The following CADPS variants were observed in gnomAD, a reference collection of about 807,000 sequenced individuals.
CADPS encodes calcium dependent secretion activator.
CADPS carries 57 observed loss-of-function variants against 167.3 expected under a neutral mutation model. That is an observed-to-expected ratio of 0.34 (90% CI 0.28 to 0.42). The LOEUF (loss-of-function observed/expected upper bound fraction) is 0.42. Among genes scored for constraint, CADPS ranks in the 20% least tolerant of loss-of-function variants. The pLI is 1.00. For missense variants in CADPS, 1,414 were observed against 1,738.1 expected (o/e 0.81, Z 3.32); for synonymous variants, 676 against 635.3 (o/e 1.06, Z -0.96).
At chr3:62,451,747 G>A (rs1353663456) in intron 26 of CADPS, among the ~76,000 whole-genome samples, 2 of 152,134 alleles carry the variant, frequency 1.3e-5, no homozygotes, top group African/African-American at 2.4e-5. Flanking sequence ...ACACCACCAC[G>A]TCAAAGGGCT....
At chr3:62,711,571 G>A (rs1421436352) in intron 3 of CADPS, among the ~76,000 whole-genome samples, 2 of 152,220 alleles carry the variant, frequency 1.3e-5, no homozygotes, top group Admixed American at 1.3e-4. Context: ...GCCTTAGCTA[G>A]TGAGAGTGAT....
At chr3:62,856,546 T>G (rs1358130093) in intron 1 of CADPS, among the ~76,000 whole-genome samples, 3 of 152,080 alleles carry the variant, frequency 2.0e-5, no homozygotes, top group Non-Finnish European at 2.9e-5. Flanking sequence ...ATGGATATTC[T>G]GAAAAGTATA....
chr3:62,618,016 T>C (rs2062605171), intron 6 of CADPS, among the ~76,000 whole-genome samples: 1 of 152,104 alleles, frequency 6.6e-6, no homozygotes, highest in Non-Finnish European at 1.5e-5. Flanking sequence ...CAGGTGGTCG[T>C]TCTTGACACT....
At chr3:62,784,199 T>G (rs914905578) in intron 1 of CADPS, among the ~76,000 whole-genome samples, 3 of 152,148 alleles carry the variant, frequency 2.0e-5, no homozygotes, top group Non-Finnish European at 2.9e-5. Context: ...TGTGTAAAAA[T>G]AATGGCTACA....
At chr3:62,567,847 T>C (rs1335289014) in intron 9 of CADPS, among the ~76,000 whole-genome samples, 1 of 152,116 alleles carries the variant, frequency 6.6e-6, no homozygotes, top group African/African-American at 2.4e-5. Context: ...AGTGCTGGGA[T>C]TACAGGCGTC....
At chr3:62,535,629 C>T (rs931879978) in intron 12 of CADPS, among the ~76,000 whole-genome samples, 19 of 151,920 alleles carry the variant, frequency 1.3e-4, no homozygotes, top group African/African-American at 4.3e-4. Context: ...CCTCATCTTT[C>T]CCATCTATAA....
intron 1 of CADPS, among the ~76,000 whole-genome samples, chr3:62,838,644 C>A (rs2076230239): frequency 6.6e-6 from 1 of 152,072 alleles, no homozygotes; most frequent in Non-Finnish European, 1.5e-5. Context: ...AGTTTGTAAC[C>A]TCTCTGGAAA....
At chr3:62,804,446 A>G (rs1397463365) in intron 1 of CADPS, among the ~76,000 whole-genome samples, 1 of 152,114 alleles carries the variant, frequency 6.6e-6, no homozygotes, top group Non-Finnish European at 1.5e-5. Context: ...ACTGAGAGAG[A>G]GAGGAAATAC....
At chr3:62,653,260 G>A (rs1034156765) in intron 4 of CADPS, among the ~76,000 whole-genome samples, 3 of 151,976 alleles carry the variant, frequency 2.0e-5, no homozygotes, top group African/African-American at 7.3e-5. Flanking sequence ...AGATCATGAG[G>A]GCCCTCATGA....
At chr3:62,569,629 G>C (rs2080930900) in intron 9 of CADPS, among the ~76,000 whole-genome samples, 1 of 152,182 alleles carries the variant, frequency 6.6e-6, no homozygotes, top group Admixed American at 6.5e-5. Context: ...AGGTCATTTA[G>C]ACCTAAAAGG....
At chr3:62,839,648 G>C (rs531163661) in intron 1 of CADPS, among the ~76,000 whole-genome samples, 3 of 152,176 alleles carry the variant, frequency 2.0e-5, no homozygotes, top group Non-Finnish European at 4.4e-5. Flanking sequence ...CTGGCAGAGA[G>C]TGTGAAGAAT....
At chr3:62,857,860 C>T (rs4997209) in intron 1 of CADPS, among the ~76,000 whole-genome samples, 6,941 of 151,998 alleles carry the variant, frequency 0.046, 184 homozygotes, top group East Asian at 0.086. Flanking sequence ...CTTATCTCTT[C>T]AGTTATAATA....
intron 1 of CADPS, among the ~76,000 whole-genome samples, chr3:62,861,135 C>G (rs1180960152): frequency 6.6e-6 from 1 of 152,122 alleles, no homozygotes; most frequent in Non-Finnish European, 1.5e-5. Flanking sequence ...CCATCTGCAT[C>G]CTTTAGGTCA....
intron 1 of CADPS, among the ~76,000 whole-genome samples, chr3:62,787,525 A>G (rs775257486): frequency 9.9e-5 from 15 of 152,212 alleles, no homozygotes; most frequent in Non-Finnish European, 1.6e-4. Context: ...GCCCTTTTAA[A>G]TGTACACTTT....
intron 28 of CADPS, among the ~76,000 whole-genome samples, chr3:62,413,112 T>C (rs17066383): frequency 0.28 from 43,032 of 152,040 alleles, 6,210 homozygotes; most frequent in South Asian, 0.42. Flanking sequence ...AACTCATTGA[T>C]ACCAACTTAA....
At chr3:62,676,601 T>G (rs1052812088) in intron 3 of CADPS, among the ~76,000 whole-genome samples, 1 of 152,156 alleles carries the variant, frequency 6.6e-6, no homozygotes, top group Non-Finnish European at 1.5e-5. Context: ...TTGAAAGGAC[T>G]GTTCAGAGAT....
intron 4 of CADPS, among the ~76,000 whole-genome samples, chr3:62,659,107 C>T (rs753558806): frequency 1.1e-4 from 16 of 152,084 alleles, no homozygotes; most frequent in Admixed American, 7.2e-4. Flanking sequence ...ATTCAGAGAA[C>T]GGAGTGAGTT....
chr3:62,414,753 C>T (rs1391894308), intron 28 of CADPS, among the ~76,000 whole-genome samples: 2 of 152,200 alleles, frequency 1.3e-5, no homozygotes, highest in Non-Finnish European at 2.9e-5. Flanking sequence ...GCTGGGAGCC[C>T]CCCACTAGGC....
At chr3:62,653,335 G>C (rs116098285) in intron 4 of CADPS, among the ~76,000 whole-genome samples, 1 of 152,040 alleles carries the variant, frequency 6.6e-6, no homozygotes, top group South Asian at 2.1e-4. Flanking sequence ...CAGCATGTGA[G>C]GACCTGGTAA....
Sources: gnomAD v4.1 joint callset for allele counts (sites outside exome capture counted in the v4.1 genomes callset) on GRCh38, gnomAD v4.1.1 for gene constraint, MANE v1.5 for transcripts, NCBI Gene and HGNC (gene_info 2026-07-23, HGNC 2026-07-21) for gene names.